The following LGMN variants were observed in gnomAD, a reference collection of about 807,000 sequenced individuals.
LGMN encodes legumain, also known as asparaginyl endopeptidase.
LGMN carries 36 observed loss-of-function variants against 56.8 expected under a neutral mutation model. The ratio of observed to expected loss-of-function variants is 0.63; its 90% CI spans 0.49 to 0.84. The LOEUF (loss-of-function observed/expected upper bound fraction) is 0.84. Among genes scored for constraint, LGMN ranks in the 40% least tolerant of loss-of-function variants. LGMN has a pLI of 0.00. For missense variants in LGMN, 446 were observed against 556.1 expected, an observed-to-expected ratio of 0.80 and a Z score of 1.99; for synonymous variants, 199 against 210.1, an observed-to-expected ratio of 0.95 and a Z score of 0.46.
chr14:92,733,898 G>A (rs1566933916), intron 1 of LGMN: 1 of 152,138 alleles, frequency 6.6e-6, no homozygotes, highest in East Asian at 1.9e-4. Context: ...ATGGAAGACA[G>A]ACAAAATGTT....
rs1306803958 is a variant in LGMN at position 92,714,146 on chromosome 14, T to C, written c.480+230A>G. On this transcript the variant is annotated intron_variant, in intron 6 of 13. Transcript: ENST00000334869. The surrounding 1 kb of genome is among the most constrained non-coding windows in gnomAD (Gnocchi z 5.1). Reference sequence around the variant, plus strand: ...GGTCTAGTGTGATACACCCACATCCTGAGACAGCTACCGACGCTGCGACAT... The same window carrying C: ...GGTCTAGTGTGATACACCCACATCCCGAGACAGCTACCGACGCTGCGACAT... 6.6e-6 allele frequency among the ~76,000 whole-genome samples: 1 copy of C among 152,202 alleles called. No homozygotes were observed. Among genetic ancestry groups the C allele is most frequent in the African/African-American group, 2.4e-5 (1 of 41,446 alleles).
chr14:92,712,897 C>T, intron 7 of LGMN, 26 bp from the exon 8 acceptor site: 2 of 1,608,544 alleles, frequency 1.2e-6, no homozygotes, highest in Non-Finnish European at 8.5e-7. Context: ...GGCAGGTGAG[C>T]TCACCCCATC....
chr14:92,732,768 C>G lies in LGMN; in HGVS notation c.19G>C (p.Val7Leu). 6.2e-7 allele frequency: 1 copy of G among 1,614,030 alleles called. No homozygotes were observed. Among genetic ancestry groups the G allele is most frequent in the South Asian group, 1.1e-5 (1 of 91,046 alleles). Reference sequence around the variant, plus strand: ...ATGCCCAGGGCCACACTGAGGAATACAGCTACTTTCCAAACCATTCTGCAC... The same window carrying G: ...ATGCCCAGGGCCACACTGAGGAATAGAGCTACTTTCCAAACCATTCTGCAC... MVWKVAVFLSVALGIGA... is the reference protein window; with the variant it reads MVWKVALFLSVALGIGA... The change falls in exon 2 of 14, where the codon GTA becomes CTA. Residue 7 changes from valine to leucine, a missense_variant. Val to Leu is a conservative substitution (Grantham distance 32). Transcript: ENST00000334869.
At chr14:92,708,912 G>A (rs1241603757) in intron 11 of LGMN, among the ~76,000 whole-genome samples, 1 of 143,858 alleles carries the variant, frequency 7.0e-6, no homozygotes, top group African/African-American at 2.6e-5. Flanking sequence ...CCATATTTCA[G>A]CACATCCATC....
Position 92,709,523 on chromosome 14 carries a change from C to T in LGMN, c.1020+149G>A, listed in dbSNP as rs1048629733. ...GGAGGCAACCACGGCTCCGCCCACC[C>T]GCTTCCGTTACATGGAGGACAAAGG... On this transcript the variant is annotated intron_variant, in intron 11 of 13. Coordinates refer to ENST00000334869, the MANE Select transcript of LGMN (RefSeq NM_005606.7). The T allele has an allele frequency of 1.1e-4, 72 of 685,530 alleles. No individual in the cohort carries two copies. Among genetic ancestry groups the T allele is most frequent in the Middle Eastern group, 4.2e-4 (1 of 2,406 alleles). The allele number at this position is 685,530 out of a possible 1,614,324, so 42.5% of individuals were successfully genotyped here.
Position 92,704,161 on chromosome 14 carries a change from A to G in LGMN, c.*158T>C. On this transcript the variant is annotated 3_prime_UTR_variant, in exon 14 of 14. Transcript: ENST00000334869. ...ACTGGGGAAGCAGGTAACAGCGAGC[A>G]AGTCATCTTGTGAAGAAGGTCCTGG... is the stretch of plus-strand genomic sequence containing the variant. The G allele has an allele frequency of 1.2e-6, 1 of 855,298 alleles. No individual in the cohort carries two copies. The highest frequency in any genetic ancestry group is 2.0e-6 in the Non-Finnish European group (1 of 503,114). The allele number at this position is 855,298 out of a possible 1,614,324, so 53.0% of individuals were successfully genotyped here.
At chr14:92,732,847 G>A in intron 1 of LGMN, 32 bp from the exon 2 acceptor site, 12 of 1,576,342 alleles carry the variant, frequency 7.6e-6, no homozygotes, top group Non-Finnish European at 8.6e-6. Context: ...CAAGTACAAA[G>A]CAACAAGAAC....
rs773089448 is a variant in LGMN at position 92,718,760 on chromosome 14, C to A, written c.223G>T (p.Ala75Ser). 5.4e-5 allele frequency: 87 copies of A among 1,607,060 alleles called. No homozygotes were observed. The highest frequency in any genetic ancestry group is 3.3e-4 in the Middle Eastern group (2 of 6,074). Residue 75 changes from alanine (A) to serine (S), a missense_variant, in exon 3 of 14, where the codon GCT (alanine) becomes TCT (serine). Coordinates refer to ENST00000334869, the MANE Select transcript of LGMN (RefSeq NM_005606.7). ...TTCCCCACTTACTCTTCAGAGTAAG[C>A]AATGTCATCGTACATCATCACAACG... ...QIVVMMYDDI[A>S]YSEDNPTPGI...
intron 2 of LGMN, among the ~76,000 whole-genome samples, chr14:92,725,813 G>A (rs1890714711): frequency 6.6e-6 from 1 of 152,146 alleles, no homozygotes; most frequent in South Asian, 2.1e-4. Flanking sequence ...GACCTCAGGT[G>A]ATCCACCTAC....
intron 1 of LGMN, among the ~76,000 whole-genome samples, chr14:92,735,877 T>G (rs79885835): frequency 0.041 from 6,171 of 151,762 alleles, 386 homozygotes; most frequent in African/African-American, 0.14. Flanking sequence ...GGACCCCCAG[T>G]GCTAGAACCA....
chr14:92,722,018 T>C (rs1428232799), intron 2 of LGMN, among the ~76,000 whole-genome samples: 1 of 152,076 alleles, frequency 6.6e-6, no homozygotes, highest in Non-Finnish European at 1.5e-5. Context: ...TGCATAAAGG[T>C]CAAAACAGGC....
At chr14:92,734,501 G>A (rs576583548) in intron 1 of LGMN, among the ~76,000 whole-genome samples, 5 of 152,086 alleles carry the variant, frequency 3.3e-5, no homozygotes, top group African/African-American at 4.8e-5. Flanking sequence ...TTAGCCAGGC[G>A]TGGTGGCAGG....
rs889041410 is a variant in LGMN at position 92,709,285 on chromosome 14, G to A, written c.1020+387C>T. Among the ~76,000 whole-genome samples the A allele has an allele frequency of 3.3e-5, 5 of 151,958 alleles. No homozygotes were observed. The South Asian group carries it at 8.3e-4, about 25-fold the overall frequency. ...CCCCTAAGTAGCTGGGACTAGAGGC[G>A]CACGCCACCGTACCTGTCTCTGGAT... is the stretch of plus-strand genomic sequence containing the variant. On this transcript the variant is annotated intron_variant, in intron 11 of 13. Coordinates refer to ENST00000334869, the MANE Select transcript of LGMN (RefSeq NM_005606.7).
chr14:92,722,997 T>C (rs1046593754), intron 2 of LGMN, among the ~76,000 whole-genome samples: 1 of 152,192 alleles, frequency 6.6e-6, no homozygotes, highest in Admixed American at 6.5e-5. Flanking sequence ...ACGAGCGTTA[T>C]AGTTTCTCAA....
At position 92,703,897 on chromosome 14, in the gene LGMN, A is replaced by G. The variant is rs911435594; in HGVS notation, c.*422T>C. Reference sequence around the variant, plus strand: ...GCAATCAAAAATCATCATATTTTCTAAAAACAGTTTTCCATTTGGGGCTTG... The same window carrying G: ...GCAATCAAAAATCATCATATTTTCTGAAAACAGTTTTCCATTTGGGGCTTG... On this transcript the variant is annotated 3_prime_UTR_variant, in exon 14 of 14. Coordinates refer to ENST00000334869, the MANE Select transcript of LGMN (RefSeq NM_005606.7). 4.3e-6 allele frequency: 2 copies of G among 461,498 alleles called. No homozygotes were observed. Among genetic ancestry groups the G allele is most frequent in the Admixed American group, 3.9e-5 (1 of 25,500 alleles). 28.6% of individuals were successfully genotyped at this position (461,498 alleles called of 1,614,324 possible).
chr14:92,726,280 A>C (rs1890735998), intron 2 of LGMN, among the ~76,000 whole-genome samples: 1 of 151,376 alleles, frequency 6.6e-6, no homozygotes, highest in South Asian at 2.1e-4. Context: ...ATAGCTTGTG[A>C]GAAACAGACT....
Position 92,724,579 on chromosome 14 carries a change from G to A in LGMN, c.139-5735C>T, listed in dbSNP as rs528034917. 5.9e-5 allele frequency among the ~76,000 whole-genome samples: 9 copies of A among 152,230 alleles called. No individual in the cohort carries two copies. The East Asian group carries it at 1.2e-3, about 20-fold the overall frequency. ...GTGTGACCTATACTGTATTTTCCCCGCATAAGCCCAGAAAAGTCATATGAG... is the reference window on the plus strand; with the variant it reads ...GTGTGACCTATACTGTATTTTCCCCACATAAGCCCAGAAAAGTCATATGAG... On this transcript the variant is annotated intron_variant, in intron 2 of 13. Coordinates refer to ENST00000334869, the MANE Select transcript of LGMN (RefSeq NM_005606.7).
intron 1 of LGMN, among the ~76,000 whole-genome samples, chr14:92,745,891 G>A (rs1456539991): frequency 6.6e-6 from 1 of 151,566 alleles, no homozygotes; most frequent in Non-Finnish European, 1.5e-5. Flanking sequence ...GCGCCATCTC[G>A]GCTCACTGCA....
chr14:92,739,512 T>A, intron 1 of LGMN, among the ~76,000 whole-genome samples: 1 of 152,146 alleles, frequency 6.6e-6, no homozygotes, highest in East Asian at 1.9e-4. Context: ...TGCTAGCTGC[T>A]CACAGGCACT....
Sources: gnomAD v4.1 joint callset for allele counts (sites outside exome capture counted in the v4.1 genomes callset) on GRCh38, gnomAD v4.1.1 for gene constraint, Gnocchi (gnomAD v3.1) non-coding constraint, MANE v1.5 for transcripts, NCBI Gene and HGNC (gene_info 2026-07-23, HGNC 2026-07-21) for gene names.